The following TTC28 variants were observed in gnomAD, a reference collection of about 807,000 sequenced individuals.
The protein encoded by TTC28 is tetratricopeptide repeat protein 28.
TTC28 carries 61 observed loss-of-function variants against 198.0 expected under a neutral mutation model. That is an observed-to-expected ratio of 0.31 (90% CI 0.25 to 0.38). The LOEUF (loss-of-function observed/expected upper bound fraction) is 0.38. TTC28 is among the 10% of genes least tolerant of loss of function. The pLI, the probability that TTC28 is intolerant of heterozygous loss-of-function variation, is 1.00. For synonymous variants in TTC28, 1,171 were observed against 1,297.8 expected, an observed-to-expected ratio of 0.90 and a Z score of 2.10; for missense variants, 2,678 against 3,164.0, an observed-to-expected ratio of 0.85 and a Z score of 3.69.
At chr22:28,254,437 G>C (rs908731720) in intron 5 of TTC28, among the ~76,000 whole-genome samples, 5 of 151,586 alleles carry the variant, frequency 3.3e-5, no homozygotes, top group African/African-American at 1.2e-4. Context: ...AATCAGAAAA[G>C]TCAAGGAAGA....
chr22:28,453,073 C>T (rs1372857808), intron 2 of TTC28, among the ~76,000 whole-genome samples: 1 of 152,178 alleles, frequency 6.6e-6, no homozygotes, highest in Admixed American at 6.5e-5. Flanking sequence ...TTCCTGTATA[C>T]AGTTATGGAT....
At chr22:28,268,276 T>C (rs1383856826) in intron 5 of TTC28, among the ~76,000 whole-genome samples, 1 of 152,188 alleles carries the variant, frequency 6.6e-6, no homozygotes, top group East Asian at 1.9e-4. Context: ...AAGAAGAATA[T>C]TGCAGAGAAA....
intron 2 of TTC28, among the ~76,000 whole-genome samples, chr22:28,550,701 A>G (rs1034000563): frequency 6.6e-6 from 1 of 152,180 alleles, no homozygotes; most frequent in Non-Finnish European, 1.5e-5. Flanking sequence ...GCGAAGGTTT[A>G]ATAGACTAGC....
intron 2 of TTC28, among the ~76,000 whole-genome samples, chr22:28,384,399 C>CT (rs1480131695): frequency 6.6e-6 from 1 of 152,120 alleles, no homozygotes; most frequent in African/African-American, 2.4e-5. Flanking sequence ...CTTCATCACT[C>CT]TTTATCGCTC....
chr22:28,625,053 T>C (rs1442225950), intron 2 of TTC28, among the ~76,000 whole-genome samples: 1 of 152,086 alleles, frequency 6.6e-6, no homozygotes, highest in African/African-American at 2.4e-5. Context: ...CCACTCATAA[T>C]AGAAATTAAA....
rs974599549 is a variant in TTC28, at chr22:28,565,220, T to C, written c.381+64332A>G. Among the ~76,000 whole-genome samples, 4 of 152,142 alleles carry C rather than the reference T, an allele frequency of 2.6e-5. No individual in the cohort carries two copies. In the East Asian group the frequency reaches 7.7e-4, roughly 29 times the overall value. On this transcript the variant is annotated intron_variant, in intron 2 of 22. Transcript: ENST00000397906. ...CTAGGTAAGACATGGCTATGCTCCC[T>C]ATGTCCCCAGAAAAAAAAATTAAGA... is the stretch of plus-strand genomic sequence containing the variant.
At chr22:28,189,703 G>C (rs1353458158) in intron 5 of TTC28, among the ~76,000 whole-genome samples, 2 of 152,110 alleles carry the variant, frequency 1.3e-5, no homozygotes, top group African/African-American at 4.8e-5. Context: ...ATAAAATACT[G>C]TCAAAATCCT....
At chr22:28,420,462 G>GA in intron 2 of TTC28, among the ~76,000 whole-genome samples, 1 of 147,380 alleles carries the variant, frequency 6.8e-6, no homozygotes. Flanking sequence ...TAAAGAGAGA[G>GA]ACCATGTAAG....
intron 13 of TTC28, among the ~76,000 whole-genome samples, chr22:28,021,826 G>T (rs1938615913): frequency 6.6e-6 from 1 of 152,116 alleles, no homozygotes; most frequent in Non-Finnish European, 1.5e-5. Flanking sequence ...GCTCACCCCA[G>T]GGCACATCTG....
intron 10 of TTC28, 89 bp from the exon 11 acceptor site, chr22:28,096,497 G>C (rs1941979313): frequency 3.0e-6 from 4 of 1,345,658 alleles, no homozygotes; most frequent in Non-Finnish European, 3.1e-6. Context: ...ATCCTGGGCA[G>C]AAACCTCACT....
At chr22:28,503,716 A>C (rs1417147622) in intron 2 of TTC28, among the ~76,000 whole-genome samples, 2 of 152,200 alleles carry the variant, frequency 1.3e-5, no homozygotes, top group African/African-American at 4.8e-5. Context: ...ACTTTAACGC[A>C]TATTACAGAT....
chr22:28,109,404 C>T (rs1006611304), intron 6 of TTC28, among the ~76,000 whole-genome samples: 22 of 152,316 alleles, frequency 1.4e-4, no homozygotes, highest in African/African-American at 4.3e-4. Context: ...TCCATACACA[C>T]GGACAAGCTC....
At chr22:28,551,914 A>G (rs1239914607) in intron 2 of TTC28, among the ~76,000 whole-genome samples, 1 of 152,184 alleles carries the variant, frequency 6.6e-6, no homozygotes, top group Non-Finnish European at 1.5e-5. Context: ...AGCACATCCA[A>G]ATCAGTAAGG....
At chr22:28,378,099 G>A (rs1347232560) in intron 2 of TTC28, among the ~76,000 whole-genome samples, 1 of 152,132 alleles carries the variant, frequency 6.6e-6, no homozygotes, top group African/African-American at 2.4e-5. Context: ...CCCAGCACCT[G>A]GGGAGGGCCA....
chr22:28,238,749 TC>T (rs1929439059), intron 5 of TTC28, among the ~76,000 whole-genome samples: 1 of 152,136 alleles, frequency 6.6e-6, no homozygotes, highest in Admixed American at 6.6e-5. Flanking sequence ...AGTTGTTCTT[TC>T]CCTCAATAAT....
chr22:28,550,929 A>G (rs1164317633), intron 2 of TTC28, among the ~76,000 whole-genome samples: 1 of 152,152 alleles, frequency 6.6e-6, no homozygotes, highest in African/African-American at 2.4e-5. Context: ...CAGACAAACC[A>G]AACTTTAAAG....
At chr22:28,484,331 C>T (rs558564294) in intron 2 of TTC28, among the ~76,000 whole-genome samples, 19 of 152,070 alleles carry the variant, frequency 1.2e-4, no homozygotes, top group African/African-American at 4.1e-4. Flanking sequence ...AGGCTGGTCT[C>T]GAACTCCTGT....
intron 2 of TTC28, among the ~76,000 whole-genome samples, chr22:28,489,644 G>A: frequency 6.6e-6 from 1 of 152,140 alleles, no homozygotes; most frequent in Non-Finnish European, 1.5e-5. Flanking sequence ...AGGTTAGCTA[G>A]GTATGGTGGT....
chr22:28,161,808 GGGAAGGA>G (rs1921233112), intron 6 of TTC28, among the ~76,000 whole-genome samples: 1 of 147,376 alleles, frequency 6.8e-6, no homozygotes. Flanking sequence ...AAGGGAGGGA[GGGAAGGA>G]GGGAAGGAGG....
Sources: allele counts gnomAD v4.1 joint callset (sites outside exome capture counted in the v4.1 genomes callset), GRCh38; gene constraint gnomAD v4.1.1; transcripts MANE v1.5; gene names NCBI Gene and HGNC (gene_info 2026-07-23, HGNC 2026-07-21).